DCHS1: variants seen among roughly 807,000 people sequenced by gnomAD.
DCHS1 encodes protocadherin-16.
In DCHS1, 78 loss-of-function variants were observed where a neutral mutation model predicts 213.9. The ratio of observed to expected loss-of-function variants is 0.36; its 90% CI spans 0.30 to 0.44. The LOEUF (loss-of-function observed/expected upper bound fraction) is 0.44. Among genes scored for constraint, DCHS1 ranks in the 20% least tolerant of loss-of-function variants. The probability of loss-of-function intolerance (pLI) is 1.00; values close to 1 mark genes in which losing one functional copy is unlikely to be tolerated. For synonymous variants in DCHS1, 1,828 were observed against 1,873.7 expected, an observed-to-expected ratio of 0.98 and a Z score of 0.63; for missense variants, 3,946 against 4,395.9, an observed-to-expected ratio of 0.90 and a Z score of 2.89.
chr11:6,628,436 ACAGGGAGATAAAGAG>A lies in DCHS1; in HGVS notation c.5371+170_5371+184del, dbSNP rs1490548062. ...AATAGGAAGATAGAAACAGAGACACACAGGGAGATAAAGAGCATGGAATGAGATACCTAGCTACAC... is the reference window on the plus strand; with the variant it reads ...AATAGGAAGATAGAAACAGAGACACACATGGAATGAGATACCTAGCTACAC... On this transcript the variant is annotated intron_variant, in intron 13 of 20. Transcript: ENST00000299441. The surrounding 1 kb of genome is among the most constrained non-coding windows in gnomAD (Gnocchi z 4.3). 9.2e-5 allele frequency among the ~76,000 whole-genome samples: 14 copies of A among 152,228 alleles called. No individual in the cohort carries two copies. The highest frequency in any genetic ancestry group is 3.1e-4 in the African/African-American group (13 of 41,464).
chr11:6,623,719 C>G lies in DCHS1; in HGVS notation c.7957G>C (p.Asp2653His), dbSNP rs1855744618. ...AGTCGCAAGGTGCCTGAGCTCTCAT[C>G]CAGCTCAAAGAGCCCTGATGGGTCG... ...SGDPSGLFEL[D>H]ESSGTLRLAH... Residue 2653 changes from aspartate to histidine, a missense_variant, in exon 21 of 21, where the codon GAT (aspartate) becomes CAT (histidine). Physicochemically the swap from Asp to His is moderately conservative, Grantham distance 81. Coordinates refer to ENST00000299441, the MANE Select transcript of DCHS1 (RefSeq NM_003737.4). 2 of 1,613,890 alleles carry G rather than the reference C, an allele frequency of 1.2e-6. No individual in the cohort carries two copies. Among genetic ancestry groups the G allele is most frequent in the Non-Finnish European group, 1.7e-6 (2 of 1,179,900 alleles).
In DCHS1 at chr11:6,655,645, G is replaced by A. The variant is rs1856305287; in HGVS notation, c.-203C>T. The stretch of plus-strand genomic sequence containing the variant: ...CCCCCCGGGCAGCGCCCGCTCGCGC[G>A]GGGCCTGAGGCCGCGCATCGTCCGC... On this transcript the variant is annotated 5_prime_UTR_variant, in exon 1 of 21. Coordinates refer to ENST00000299441, the MANE Select transcript of DCHS1 (RefSeq NM_003737.4). The A allele has an allele frequency of 2.0e-6, 2 of 977,540 alleles. No individual in the cohort carries two copies. Among genetic ancestry groups the A allele is most frequent in the South Asian group, 9.4e-5 (2 of 21,188 alleles). The allele number at this position is 977,540 out of a possible 1,614,324, so 60.6% of individuals were successfully genotyped here.
Position 6,632,558 on chromosome 11 carries a change from C to T in DCHS1, c.2954G>A (p.Arg985Gln), listed in dbSNP as rs757774203. The T allele has an allele frequency of 1.8e-5, 28 of 1,520,634 alleles. No individual in the cohort carries two copies. The highest frequency in any genetic ancestry group is 1.4e-4 in the Admixed American group (7 of 48,842). The allele number at this position is 1,520,634 out of a possible 1,614,324, so 94.2% of individuals were successfully genotyped here. A position where few individuals can be genotyped will look rare whatever the true frequency, so the allele number is the denominator to read the frequency against. Reference protein sequence around the residue: ...SPPRTSHFRLRVVVQDVGTRG... With the variant: ...SPPRTSHFRLQVVVQDVGTRG... ...GGTTCCCACATCCTGTACCACCACC[C>T]GTAGTCGAAAGTGGCTGGTGCGTGG... is the stretch of plus-strand genomic sequence containing the variant. Residue 985 changes from arginine to glutamine, a missense_variant, in exon 6 of 21, where the codon CGG becomes CAG. This residue lies in a region of DCHS1 where 3,384 missense variants were observed against 3,780.1 expected (regional missense o/e 0.90). Coordinates refer to ENST00000299441, the MANE Select transcript of DCHS1 (RefSeq NM_003737.4). The surrounding 1 kb of genome is among the most constrained non-coding windows in gnomAD (Gnocchi z 5.9).
rs200477004 is a variant in DCHS1 at position 6,632,586 on chromosome 11, G to C, written c.2926C>G (p.Pro976Ala). ...LELEARDGGSPPRTSHFRLRV... is the reference protein window; with the variant it reads ...LELEARDGGSAPRTSHFRLRV... The stretch of plus-strand genomic sequence containing the variant: ...AGTCGAAAGTGGCTGGTGCGTGGTG[G>C]GGAGCCCCCATCCCGGGCCTCCAGC... The change falls in exon 6 of 21, where the codon CCA (proline) becomes GCA (alanine). Residue 976 changes from proline (P) to alanine (A), a missense_variant. Physicochemically the swap from Pro to Ala is conservative, Grantham distance 27. Coordinates refer to ENST00000299441, the MANE Select transcript of DCHS1 (RefSeq NM_003737.4). This position sits in a 1 kb window ranked among gnomAD's most constrained non-coding sequence, Gnocchi z 5.9. 5.9e-6 allele frequency: 9 copies of C among 1,515,194 alleles called. No homozygotes were observed. The Admixed American group carries it at 1.3e-4, about 21-fold the overall frequency. The allele number at this position is 1,515,194 out of a possible 1,614,324, so 93.9% of individuals were successfully genotyped here.
chr11:6,625,768 AG>A lies in DCHS1; in HGVS notation c.6732-42del, dbSNP rs200103093. 2 of 1,593,068 alleles carry A rather than the reference AG, an allele frequency of 1.3e-6. No homozygotes were observed. The highest frequency in any genetic ancestry group is 1.8e-5 in the Admixed American group (1 of 56,712). On this transcript the variant is annotated intron_variant, in intron 17 of 20. Transcript: ENST00000299441. This position sits in a 1 kb window ranked among gnomAD's most constrained non-coding sequence, Gnocchi z 5.3. ...AATCATCGGGTGGGACATGGCAATAAGGGGGAACTCTGGGCAGGGCCAGGAG... is the reference window on the plus strand; with the variant it reads ...AATCATCGGGTGGGACATGGCAATAAGGGGAACTCTGGGCAGGGCCAGGAG...
At chr11:6,630,996 C>T (rs1254972532) in intron 9 of DCHS1, 57 bp downstream of exon 9, 2 of 1,548,030 alleles carry the variant, frequency 1.3e-6, no homozygotes, top group African/African-American at 1.4e-5. Context: ...TCCCGTGAAG[C>T]TGGAGCTACT....
rs940773719 is a variant in DCHS1 at position 6,626,497 on chromosome 11, G to T, written c.6364+55C>A. The T allele has an allele frequency of 1.9e-6, 3 of 1,606,814 alleles. No homozygotes were observed. The African/African-American group carries it at 4.0e-5, about 22-fold the overall frequency. ...CCATCAAAGGCTCCTCTGATGCAAA[G>T]AACCTGCTTCCCCAGTAGCCTGTCC... On this transcript the variant is annotated intron_variant, in intron 15 of 20. Coordinates refer to ENST00000299441, the MANE Select transcript of DCHS1 (RefSeq NM_003737.4). The surrounding 1 kb of genome is among the most constrained non-coding windows in gnomAD (Gnocchi z 5.2).
intron 2 of DCHS1, among the ~76,000 whole-genome samples, chr11:6,638,225 CTGG>C (rs1235743552): frequency 6.6e-6 from 1 of 152,214 alleles, no homozygotes; most frequent in Non-Finnish European, 1.5e-5. Context: ...GTTCAAGAGT[CTGG>C]TGGAGTTTGG....
intron 2 of DCHS1, 118 bp downstream of exon 2, chr11:6,639,699 C>T (rs1002172193): frequency 2.3e-6 from 2 of 868,546 alleles, no homozygotes; most frequent in South Asian, 3.6e-5. Flanking sequence ...TAGGGCAGAA[C>T]CCTCTAGCAT....
chr11:6,623,196 C>T lies in DCHS1; in HGVS notation c.8480G>A (p.Arg2827Gln), dbSNP rs35599968. Residue 2827 changes from arginine (R) to glutamine (Q), a missense_variant, in exon 21 of 21, where the codon CGG becomes CAG. By Grantham distance (43) the Arg-to-Gln change is conservative. Transcript: ENST00000299441. ...AFHFQVPEGA[R>Q]RGHSLGHVQA... ...CACGTGACCCAAGCTGTGGCCACGC[C>T]GGGCACCTTCGGGCACTTGGAAGTG... The T allele has an allele frequency of 4.4e-6, 7 of 1,600,732 alleles. No homozygotes were observed. The African/African-American group carries it at 5.4e-5, about 12-fold the overall frequency.
rs775835626 is a variant in DCHS1 at position 6,622,163 on chromosome 11, A to G, written c.9513T>C (p.Pro3171=). ...YNWDYLLSWC[P]QFQPLASVFT... is the part of the protein sequence containing the mutation. ...AGACACTGGCCAGTGGTTGGAACTG[A>G]GGGCACCAGCTCAGCAGGTAGTCCC... Residue 3171 remains proline (P), a synonymous_variant, in exon 21 of 21, where the codon CCT becomes CCC. Coordinates refer to ENST00000299441, the MANE Select transcript of DCHS1 (RefSeq NM_003737.4). The surrounding 1 kb of genome is among the most constrained non-coding windows in gnomAD (Gnocchi z 5.4). 1.8e-4 allele frequency: 288 copies of G among 1,611,250 alleles called. No individual in the cohort carries two copies. Among genetic ancestry groups the G allele is most frequent in the Non-Finnish European group, 4.7e-5 (55 of 1,179,450 alleles).
rs1257808101 is a variant in DCHS1 at position 6,632,440 on chromosome 11, G to A, written c.3072C>T (p.Ala1024=). Residue 1024 remains alanine (A), a synonymous_variant, in exon 6 of 21, where the codon GCC becomes GCT. Transcript: ENST00000299441. The surrounding 1 kb of genome is among the most constrained non-coding windows in gnomAD (Gnocchi z 5.9). ...TAGTQVLQVQ[A]QAPDGGPITY... is the part of the protein sequence containing the mutation. ...TGATAGGGCCCCCATCTGGTGCTTG[G>A]GCCTGCACTTGCAGGACCTGAGTTC... The A allele has an allele frequency of 6.2e-7, 1 of 1,605,214 alleles. No homozygotes were observed. The highest frequency in any genetic ancestry group is 1.7e-5 in the Admixed American group (1 of 59,582).
In DCHS1 at chr11:6,622,078, C is replaced by T; in HGVS notation, c.9598G>A (p.Asp3200Asn). The T allele has an allele frequency of 5.6e-6, 9 of 1,609,794 alleles. No homozygotes were observed. The highest frequency in any genetic ancestry group is 7.6e-6 in the Non-Finnish European group (9 of 1,178,554). Reference sequence around the variant, plus strand: ...ACGGCAGTGATGAGGGGTGGTGGGTCGATACGGGGAGCTGGGGGACATGGC... The same window carrying T: ...ACGGCAGTGATGAGGGGTGGTGGGTTGATACGGGGAGCTGGGGGACATGGC... ...ARPCPPAPRI[D>N]PPPLITAVAH... The change falls in exon 21 of 21, where the codon GAC becomes AAC. Residue 3200 changes from aspartate to asparagine, a missense_variant. By Grantham distance (23) the Asp-to-Asn change is conservative. Transcript: ENST00000299441. This position sits in a 1 kb window ranked among gnomAD's most constrained non-coding sequence, Gnocchi z 5.4.
chr11:6,624,993 C>G (rs1464697103), intron 19 of DCHS1, 125 bp from the exon 20 acceptor site: 1 of 1,447,418 alleles, frequency 6.9e-7, no homozygotes, highest in East Asian at 2.4e-5. Context: ...GCCCCTACTC[C>G]TAAGTATTCG....
Position 6,641,654 on chromosome 11 carries a change from G to T in DCHS1, c.-41C>A. 6.7e-7 allele frequency: 1 copy of T among 1,499,878 alleles called. No homozygotes were observed. Among genetic ancestry groups the T allele is most frequent in the East Asian group, 2.5e-5 (1 of 40,374 alleles). The allele number at this position is 1,499,878 out of a possible 1,614,324, so 92.9% of individuals were successfully genotyped here. Reference sequence around the variant, plus strand: ...GCTGTGCCTTGGGCTCCAGCTCCAGGCCAGGCTCTGGGCCCAGCTTGACCT... The same window carrying T: ...GCTGTGCCTTGGGCTCCAGCTCCAGTCCAGGCTCTGGGCCCAGCTTGACCT... On this transcript the variant is annotated 5_prime_UTR_variant, in exon 2 of 21. Coordinates refer to ENST00000299441, the MANE Select transcript of DCHS1 (RefSeq NM_003737.4). This position sits in a 1 kb window ranked among gnomAD's most constrained non-coding sequence, Gnocchi z 7.1.
At position 6,641,007 on chromosome 11, in the gene DCHS1, G is replaced by A. The variant is rs910497672; in HGVS notation, c.607C>T (p.Pro203Ser). The change falls in exon 2 of 21, where the codon CCA (proline) becomes TCA (serine). Residue 203 changes from proline to serine, a missense_variant. By Grantham distance (74) the Pro-to-Ser change is moderately conservative. Around this residue, in one of 3 missense-constraint regions of DCHS1, gnomAD observed 3,384 missense variants for 3,780.1 expected, o/e 0.90. Transcript: ENST00000299441. This position sits in a 1 kb window ranked among gnomAD's most constrained non-coding sequence, Gnocchi z 7.1. ...LETRPGPDGT[P>S]VPELVVTGEL... Reference sequence around the variant, plus strand: ...CCAGTAACTACCAGCTCAGGTACTGGAGTCCCATCTGGACCGGGGCGTGTC... The same window carrying A: ...CCAGTAACTACCAGCTCAGGTACTGAAGTCCCATCTGGACCGGGGCGTGTC... 9 of 1,613,866 alleles carry A rather than the reference G, an allele frequency of 5.6e-6. No individual in the cohort carries two copies. In the Admixed American group the frequency reaches 6.7e-5, roughly 12 times the overall value.
intron 2 of DCHS1, among the ~76,000 whole-genome samples, chr11:6,637,502 A>G (rs1421767802): frequency 6.6e-6 from 1 of 152,048 alleles, no homozygotes; most frequent in East Asian, 1.9e-4. Flanking sequence ...GACTTGGCTG[A>G]GCCTCCCTGC....
chr11:6,623,713 T>C lies in DCHS1; in HGVS notation c.7963A>G (p.Ser2655Gly), dbSNP rs1200309970. 1 of 1,613,786 alleles carries C rather than the reference T, an allele frequency of 6.2e-7. No homozygotes were observed. Among genetic ancestry groups the C allele is most frequent in the Non-Finnish European group, 8.5e-7 (1 of 1,179,872 alleles). The stretch of plus-strand genomic sequence containing the variant: ...TGGGCCAGTCGCAAGGTGCCTGAGC[T>C]CTCATCCAGCTCAAAGAGCCCTGAT... ...DPSGLFELDE[S>G]SGTLRLAHAL... Residue 2655 changes from serine (S) to glycine (G), a missense_variant, in exon 21 of 21, where the codon AGC becomes GGC. Around this residue, in one of 3 missense-constraint regions of DCHS1, gnomAD observed 3,384 missense variants for 3,780.1 expected, o/e 0.90. Transcript: ENST00000299441.
Position 6,640,795 on chromosome 11 carries a change from A to G in DCHS1, c.819T>C (p.Pro273=), listed in dbSNP as rs750151822. The G allele has an allele frequency of 1.7e-5, 28 of 1,613,916 alleles. No homozygotes were observed. The highest frequency in any genetic ancestry group is 1.0e-4 in the Admixed American group (6 of 60,006). Residue 273 remains proline (P), a synonymous_variant, in exon 2 of 21, where the codon CCT becomes CCC. Transcript: ENST00000299441. This position sits in a 1 kb window ranked among gnomAD's most constrained non-coding sequence, Gnocchi z 6.5. ...CATCAGATGCGAACACCTGCAAGACAGGACTGCCAGGGGCCAGGCTCTCAG... is the reference window on the plus strand; with the variant it reads ...CATCAGATGCGAACACCTGCAAGACGGGACTGCCAGGGGCCAGGCTCTCAG... ...VVSESLAPGS[P]VLQVFASDAD... is the part of the protein sequence containing the mutation.
Sources: gnomAD v4.1 joint callset for allele counts (sites outside exome capture counted in the v4.1 genomes callset) on GRCh38, gnomAD v4.1.1 for gene constraint, gnomAD v4.1.1 regional missense constraint, Gnocchi (gnomAD v3.1) non-coding constraint, MANE v1.5 for transcripts, NCBI Gene and HGNC (gene_info 2026-07-23, HGNC 2026-07-21) for gene names.